The following CHST8 variants were observed in gnomAD, a reference collection of about 807,000 sequenced individuals.
CHST8 encodes the protein carbohydrate sulfotransferase 8.
Under a neutral mutation model 15.0 loss-of-function variants are expected in CHST8, and 10 were observed. The observed-to-expected ratio is 0.67, with a 90% CI of 0.41 to 1.13. The LOEUF is 1.13. Among genes scored for constraint, CHST8 ranks in the 50% most tolerant of loss-of-function variants. The pLI is 0.00. For synonymous variants in CHST8, 259 were observed against 256.6 expected (o/e 1.01, Z -0.09); for missense variants, 634 against 608.2 (o/e 1.04, Z -0.45).
intron 3 of CHST8, among the ~76,000 whole-genome samples, 155 bp downstream of exon 3, chr19:33,689,546 C>T (rs535455755): frequency 9.2e-5 from 14 of 152,294 alleles, no homozygotes; most frequent in Admixed American, 4.6e-4. Context: ...CCGGGGAAGG[C>T]GTTAGTCTCA....
intron 1 of CHST8, among the ~76,000 whole-genome samples, chr19:33,666,122 C>T (rs573031359): frequency 1.3e-5 from 2 of 152,318 alleles, no homozygotes; most frequent in East Asian, 1.9e-4. Context: ...TAGTGCCTGT[C>T]GATGTAGGCC....
rs1340103362 is a variant in CHST8, at chr19:33,742,343, G to C, written c.131-29070G>C. ...GCTTATTTGGCTCATCATTCTGCAG[G>C]CTGTACAAGCGTGGCACCAACATCT... On this transcript the variant is annotated intron_variant, in intron 3 of 4. Transcript: ENST00000650847. Among the ~76,000 whole-genome samples, 4 of 152,166 alleles carry C rather than the reference G, an allele frequency of 2.6e-5. No individual in the cohort carries two copies. The East Asian group carries it at 7.7e-4, about 29-fold the overall frequency.
At chr19:33,691,965 C>T (rs925113929) in intron 3 of CHST8, among the ~76,000 whole-genome samples, 3 of 152,136 alleles carry the variant, frequency 2.0e-5, no homozygotes, top group Admixed American at 6.6e-5. Flanking sequence ...TGGGGAGTGG[C>T]GGGAATTCTG....
intron 1 of CHST8, among the ~76,000 whole-genome samples, chr19:33,629,122 T>TG (rs1302472715): frequency 2.0e-5 from 3 of 152,204 alleles, no homozygotes; most frequent in Non-Finnish European, 2.9e-5. Flanking sequence ...GCCAGACCCA[T>TG]GGTCCTGGCC....
At chr19:33,640,633 T>C (rs1972271596) in intron 1 of CHST8, among the ~76,000 whole-genome samples, 9 of 152,252 alleles carry the variant, frequency 5.9e-5, no homozygotes, top group Admixed American at 5.9e-4. Context: ...CTTTTTTATG[T>C]TATTACAAAA....
intron 3 of CHST8, among the ~76,000 whole-genome samples, chr19:33,723,640 T>G (rs1428045639): frequency 1.3e-5 from 2 of 152,072 alleles, no homozygotes; most frequent in Admixed American, 1.3e-4. Context: ...AGTCTGAGGG[T>G]GAAGGATCCT....
chr19:33,672,458 CA>C (rs1972750471), intron 2 of CHST8, among the ~76,000 whole-genome samples: 1 of 152,182 alleles, frequency 6.6e-6, no homozygotes, highest in Non-Finnish European at 1.5e-5. Context: ...CTCGGCCTCC[CA>C]AAGTGCTGGG....
intron 3 of CHST8, among the ~76,000 whole-genome samples, chr19:33,740,789 G>T (rs568377794): frequency 1.3e-5 from 2 of 152,256 alleles, no homozygotes; most frequent in African/African-American, 2.4e-5. Flanking sequence ...CACAAGTCTT[G>T]GTTTCTGAAC....
intron 3 of CHST8, among the ~76,000 whole-genome samples, chr19:33,699,888 T>C (rs1973298687): frequency 6.6e-6 from 1 of 152,104 alleles, no homozygotes; most frequent in African/African-American, 2.4e-5. Flanking sequence ...CCAGGACAAA[T>C]GTCGTGGGTG....
At chr19:33,656,561 G>A (rs1178404977) in intron 1 of CHST8, among the ~76,000 whole-genome samples, 2 of 151,952 alleles carry the variant, frequency 1.3e-5, no homozygotes, top group Non-Finnish European at 2.9e-5. Flanking sequence ...TTTGAGACAG[G>A]GCTTTGCTCT....
At chr19:33,736,448 G>A (rs973664245) in intron 3 of CHST8, among the ~76,000 whole-genome samples, 1 of 152,122 alleles carries the variant, frequency 6.6e-6, no homozygotes, top group Non-Finnish European at 1.5e-5. Context: ...TGCCTTCCCC[G>A]GGGAATAGTG....
At chr19:33,636,552 G>A (rs1972205881) in intron 1 of CHST8, among the ~76,000 whole-genome samples, 1 of 152,108 alleles carries the variant, frequency 6.6e-6, no homozygotes, top group Admixed American at 6.6e-5. Flanking sequence ...GGGTTCTTGG[G>A]TCTCGCACAA....
chr19:33,763,721 A>G (rs1438803078), intron 3 of CHST8, among the ~76,000 whole-genome samples: 1 of 152,186 alleles, frequency 6.6e-6, no homozygotes, highest in Non-Finnish European at 1.5e-5. Context: ...GCATGTGTTG[A>G]AACTTCAGTT....
chr19:33,692,914 T>C (rs1437446518), intron 3 of CHST8, among the ~76,000 whole-genome samples: 1 of 151,978 alleles, frequency 6.6e-6, no homozygotes, highest in Non-Finnish European at 1.5e-5. Context: ...GCCCCATCCA[T>C]AGCACCATCC....
At chr19:33,651,590 T>C (rs1343888700) in intron 1 of CHST8, among the ~76,000 whole-genome samples, 2 of 152,218 alleles carry the variant, frequency 1.3e-5, no homozygotes, top group African/African-American at 4.8e-5. Context: ...TATTTCATCA[T>C]ATTGCTTGTT....
intron 3 of CHST8, among the ~76,000 whole-genome samples, chr19:33,714,727 T>G (rs1037899216): frequency 6.6e-6 from 1 of 152,212 alleles, no homozygotes; most frequent in African/African-American, 2.4e-5. Flanking sequence ...GTTCTCGTGA[T>G]AGTGAATGAG....
chr19:33,652,573 A>G (rs904588226), intron 1 of CHST8, among the ~76,000 whole-genome samples: 35 of 151,684 alleles, frequency 2.3e-4, no homozygotes, highest in Non-Finnish European at 4.1e-4. Flanking sequence ...ATGAGTTTTC[A>G]CCATGTTGGC....
intron 1 of CHST8, among the ~76,000 whole-genome samples, chr19:33,630,157 G>A (rs1972103968): frequency 1.3e-5 from 2 of 152,222 alleles, no homozygotes; most frequent in Non-Finnish European, 2.9e-5. Context: ...TGCTTCCTGT[G>A]CCGCATCCAG....
intron 3 of CHST8, among the ~76,000 whole-genome samples, chr19:33,728,376 G>C (rs1024148729): frequency 1.3e-5 from 2 of 152,230 alleles, no homozygotes; most frequent in Non-Finnish European, 2.9e-5. Flanking sequence ...TTCCTGGGTA[G>C]CAGCTGTGTC....
Sources: allele counts gnomAD v4.1 joint callset (sites outside exome capture counted in the v4.1 genomes callset), GRCh38; gene constraint gnomAD v4.1.1; transcripts MANE v1.5; gene names NCBI Gene and HGNC (gene_info 2026-07-23, HGNC 2026-07-21).